Variants in DYNC2H1 observed in about 807,000 individuals in gnomAD.
DYNC2H1 encodes cytoplasmic dynein 2 heavy chain 1.
In DYNC2H1, 410 loss-of-function variants were observed where a neutral mutation model predicts 570.0. The ratio of observed to expected loss-of-function variants is 0.72; its 90% CI spans 0.66 to 0.78. DYNC2H1 has a LOEUF of 0.78. Ranked by LOEUF, DYNC2H1 falls within the 30% of genes least tolerant of loss-of-function variation. DYNC2H1 has a pLI of 0.00. For missense variants in DYNC2H1, 4,865 were observed against 5,046.4 expected, an observed-to-expected ratio of 0.96 and a Z score of 1.09; for synonymous variants, 1,688 against 1,677.6, an observed-to-expected ratio of 1.01 and a Z score of -0.15.
chr11:103,287,813 A>C lies in DYNC2H1; in HGVS notation c.11095+208A>C, dbSNP rs2512130. On this transcript the variant is annotated intron_variant, in intron 75 of 88. Transcript: ENST00000375735. ...ATTCTGTAACTGCCCAACAGGTTCA[A>C]CTTGCCTGCTGCCTAGACAGAGCTG... 0.99 allele frequency: 481,366 copies of C among 487,868 alleles called. 237,784 individuals carry two copies. The highest frequency in any genetic ancestry group is 1 in the East Asian group (30,123 of 30,124). The allele number at this position is 487,868 out of a possible 1,614,324, so 30.2% of individuals were successfully genotyped here. A position where few individuals can be genotyped will look rare whatever the true frequency, so the allele number is the denominator to read the frequency against.
intron 47 of DYNC2H1, among the ~76,000 whole-genome samples, chr11:103,194,279 A>T (rs370571302): frequency 1.5e-5 from 2 of 134,254 alleles, no homozygotes; most frequent in African/African-American, 5.7e-5. Flanking sequence ...TTTTTATTCC[A>T]TCATATGAAT....
At chr11:103,470,144 G>A (rs1168195425) in intron 88 of DYNC2H1, among the ~76,000 whole-genome samples, 7 of 152,096 alleles carry the variant, frequency 4.6e-5, no homozygotes, top group Non-Finnish European at 8.8e-5. Flanking sequence ...CGTACTGAAC[G>A]CAAATCAGGA....
chr11:103,118,892 T>G (rs1858554663), intron 6 of DYNC2H1, among the ~76,000 whole-genome samples: 1 of 152,202 alleles, frequency 6.6e-6, no homozygotes, highest in South Asian at 2.1e-4. Flanking sequence ...GTATGATCAG[T>G]CTGATGAATT....
At chr11:103,166,757 A>G (rs1457237241) in intron 31 of DYNC2H1, among the ~76,000 whole-genome samples, 1 of 151,820 alleles carries the variant, frequency 6.6e-6, no homozygotes, top group Non-Finnish European at 1.5e-5. Flanking sequence ...ATTTTCTCAT[A>G]TTCTTTAGTT....
rs529740957 is a variant in DYNC2H1, at chr11:103,115,232, A to G, written c.558A>G (p.Gly186=). ...FQFWIEQAHR[G]NKQISKERAN... ...TTTGGATAGAACAAGCTCACCGTGG[A>G]AATAAACAGATTAGTAAAGAAAGAG... Residue 186 remains glycine, a synonymous_variant, in exon 4 of 89, where the codon GGA becomes GGG. Transcript: ENST00000375735. 1.5e-5 allele frequency: 24 copies of G among 1,610,460 alleles called. No individual in the cohort carries two copies. In the African/African-American group the frequency reaches 3.2e-4, roughly 21 times the overall value.
chr11:103,392,151 G>A (rs1382215223), intron 83 of DYNC2H1, among the ~76,000 whole-genome samples: 1 of 152,224 alleles, frequency 6.6e-6, no homozygotes, highest in Non-Finnish European at 1.5e-5. Flanking sequence ...ACTCCACCCA[G>A]TTCGAGCTTC....
chr11:103,381,519 G>A (rs1032401734), intron 83 of DYNC2H1, among the ~76,000 whole-genome samples: 3 of 152,054 alleles, frequency 2.0e-5, no homozygotes, highest in African/African-American at 7.3e-5. Flanking sequence ...GCGCGATCTC[G>A]GCTCACTGCA....
intron 70 of DYNC2H1, 82 bp downstream of exon 70, chr11:103,260,059 T>TAAA: frequency 1.4e-6 from 1 of 721,990 alleles, no homozygotes; most frequent in Non-Finnish European, 2.0e-6. Context: ...AGTATAACTC[T>TAAA]TTCCCTACTG....
At chr11:103,462,535 A>G (rs981527711) in intron 87 of DYNC2H1, among the ~76,000 whole-genome samples, 3 of 152,076 alleles carry the variant, frequency 2.0e-5, no homozygotes, top group Non-Finnish European at 4.4e-5. Context: ...GATTTTTCTA[A>G]TTTTGTTATT....
At chr11:103,146,158 A>C (rs1467044525) in intron 18 of DYNC2H1, among the ~76,000 whole-genome samples, 1 of 152,236 alleles carries the variant, frequency 6.6e-6, no homozygotes, top group African/African-American at 2.4e-5. Context: ...GTGATTGAGA[A>C]TAAATAAGTA....
At chr11:103,164,832 T>C (rs1013473490) in intron 30 of DYNC2H1, among the ~76,000 whole-genome samples, 2 of 152,166 alleles carry the variant, frequency 1.3e-5, no homozygotes, top group Non-Finnish European at 2.9e-5. Flanking sequence ...TCACAGAAAT[T>C]ACACAGCAGA....
rs763647251 is a variant in DYNC2H1, at chr11:103,194,509, G to A, written c.7708+2245G>A. ...CAACTAACAGGCTTTTTTTTATAGCGGTATTGTTCCTCATCATTGTCAGCA... is the reference window on the plus strand; with the variant it reads ...CAACTAACAGGCTTTTTTTTATAGCAGTATTGTTCCTCATCATTGTCAGCA... On this transcript the variant is annotated intron_variant, in intron 47 of 88. Transcript: ENST00000375735. 2.4e-4 allele frequency among the ~76,000 whole-genome samples: 37 copies of A among 151,962 alleles called. 1 individual carries two copies. The highest frequency in any genetic ancestry group is 3.9e-4 in the East Asian group (2 of 5,174).
Position 103,328,799 on chromosome 11 carries a change from T to A in DYNC2H1, c.12039+4809T>A, listed in dbSNP as rs145079585. Among the ~76,000 whole-genome samples, 642 of 152,278 alleles carry A rather than the reference T, an allele frequency of 4.2e-3. 3 individuals are homozygous for A. The highest frequency in any genetic ancestry group is 0.014 in the African/African-American group (597 of 41,556). On this transcript the variant is annotated intron_variant, in intron 82 of 88. Coordinates refer to ENST00000375735, the MANE Select transcript of DYNC2H1 (RefSeq NM_001377.3). ...ACACCACATGGCATTCTCAACCACA[T>A]CAGCTAATACACTCTTTTCCTCAAC... is the stretch of plus-strand genomic sequence containing the variant.
Position 103,135,561 on chromosome 11 carries a change from G to A in DYNC2H1, c.2272G>A (p.Glu758Lys). The change falls in exon 16 of 89, where the codon GAG becomes AAG. Residue 758 changes from glutamate to lysine, a missense_variant. Glu to Lys is a moderately conservative substitution (Grantham distance 56). Around this residue, in one of 5 missense-constraint regions of DYNC2H1, gnomAD observed 1,936 missense variants for 1,962.1 expected, o/e 0.99. Coordinates refer to ENST00000375735, the MANE Select transcript of DYNC2H1 (RefSeq NM_001377.3). ...GAATCATCAACTGTACAAAGCTCTG[G>A]AGCATCAGTACCAGATGGGCTTAGA... ...HWNHQLYKAL[E>K]HQYQMGLEAL... The A allele has an allele frequency of 1.9e-6, 3 of 1,612,826 alleles. No individual in the cohort carries two copies. The highest frequency in any genetic ancestry group is 1.3e-5 in the African/African-American group (1 of 75,012).
chr11:103,463,917 C>A (rs979453360), intron 87 of DYNC2H1, among the ~76,000 whole-genome samples: 7 of 152,042 alleles, frequency 4.6e-5, no homozygotes, highest in African/African-American at 1.7e-4. Flanking sequence ...CCCAACATTG[C>A]CAGAACAGAA....
chr11:103,265,435 A>T (rs1247146693), intron 70 of DYNC2H1, among the ~76,000 whole-genome samples: 1 of 152,124 alleles, frequency 6.6e-6, no homozygotes, highest in African/African-American at 2.4e-5. Context: ...CCTCCACTTC[A>T]TCTATTCTGC....
chr11:103,152,445 A>T (rs1399282008), intron 21 of DYNC2H1, among the ~76,000 whole-genome samples, 160 bp downstream of exon 21: 1 of 152,124 alleles, frequency 6.6e-6, no homozygotes, highest in Admixed American at 6.6e-5. Context: ...ATAAATGATG[A>T]TTGTTTCACA....
chr11:103,430,824 C>CTAA (rs772164046), intron 84 of DYNC2H1, among the ~76,000 whole-genome samples: 290 of 152,234 alleles, frequency 1.9e-3, no homozygotes, highest in Middle Eastern at 3.4e-3. Flanking sequence ...AAAGCCTTTC[C>CTAA]TAACTCTTGC....
chr11:103,161,815 A>G (rs1397219885), intron 29 of DYNC2H1, among the ~76,000 whole-genome samples: 2 of 152,176 alleles, frequency 1.3e-5, no homozygotes, highest in African/African-American at 4.8e-5. Flanking sequence ...TCAAAGGCCT[A>G]TTATAGGCAT....
Sources: allele counts gnomAD v4.1 joint callset (sites outside exome capture counted in the v4.1 genomes callset), GRCh38; gene constraint gnomAD v4.1.1; regional missense constraint gnomAD v4.1.1; transcripts MANE v1.5; gene names NCBI Gene and HGNC (gene_info 2026-07-23, HGNC 2026-07-21).